Variants in AKAP19 observed in about 807,000 individuals in gnomAD.
The protein encoded by AKAP19 is A-kinase anchoring protein 19.
chr2:190,100,615 A>G, the AKAP19 span, among the ~76,000 whole-genome samples: 1 of 152,242 alleles, frequency 6.6e-6, no homozygotes, highest in African/African-American at 2.4e-5. Flanking sequence ...AAATATTTAC[A>G]AAGTATGTTT....
the AKAP19 span, among the ~76,000 whole-genome samples, chr2:190,189,290 G>C: frequency 6.6e-6 from 1 of 152,184 alleles, no homozygotes; most frequent in African/African-American, 2.4e-5. Context: ...AAAAACATAG[G>C]CTGGATTGGA....
At chr2:189,930,316 G>A in the AKAP19 span, 1 of 648,136 alleles carries the variant, frequency 1.5e-6, no homozygotes. Context: ...CCATGGAGGA[G>A]GGGCACGTGA....
the AKAP19 span, among the ~76,000 whole-genome samples, chr2:190,132,690 AAC>A: frequency 1.3e-5 from 2 of 152,302 alleles, no homozygotes; most frequent in African/African-American, 4.8e-5. Flanking sequence ...ACTAGGAAAA[AAC>A]ACAGGGGGAA....
chr2:189,924,130 C>T, the AKAP19 span: 1 of 1,611,838 alleles, frequency 6.2e-7, no homozygotes, highest in Non-Finnish European at 8.5e-7. Context: ...GGGGGATGAC[C>T]AGCTGGAGTT....
At chr2:190,196,787 T>C in the AKAP19 span, among the ~76,000 whole-genome samples, 4 of 152,184 alleles carry the variant, frequency 2.6e-5, no homozygotes, top group Non-Finnish European at 5.9e-5. Flanking sequence ...AATATTAATA[T>C]ATTATCTGGC....
the AKAP19 span, among the ~76,000 whole-genome samples, chr2:190,116,869 C>T: frequency 6.6e-6 from 1 of 152,194 alleles, no homozygotes; most frequent in Non-Finnish European, 1.5e-5. Flanking sequence ...CAAGACCCAT[C>T]ACCCTACTCT....
At chr2:190,044,599 C>T in the AKAP19 span, among the ~76,000 whole-genome samples, 9 of 152,080 alleles carry the variant, frequency 5.9e-5, no homozygotes, top group Non-Finnish European at 1.2e-4. Context: ...GGCTCGATAG[C>T]TCTGGTGGGG....
chr2:189,963,256 G>A, the AKAP19 span, among the ~76,000 whole-genome samples: 27 of 145,108 alleles, frequency 1.9e-4, no homozygotes, highest in Admixed American at 2.8e-4. Context: ...TGCAGTGGCC[G>A]CGATCTCCAC....
chr2:190,174,016 AC>A, the AKAP19 span, among the ~76,000 whole-genome samples: 1 of 151,866 alleles, frequency 6.6e-6, no homozygotes, highest in Non-Finnish European at 1.5e-5. Flanking sequence ...CTGCTCTGTA[AC>A]CATCCCTCCC....
chr2:189,979,701 A>T, the AKAP19 span, among the ~76,000 whole-genome samples: 640 of 152,326 alleles, frequency 4.2e-3, 9 homozygotes, highest in African/African-American at 0.015. Flanking sequence ...CTTAGAATCT[A>T]TAAGAAACTT....
chr2:190,191,453 A>AT, the AKAP19 span, among the ~76,000 whole-genome samples: 421 of 152,198 alleles, frequency 2.8e-3, 1 homozygote, highest in Admixed American at 5.2e-3. Context: ...CCAGCATACA[A>AT]TTTTTTTATG....
chr2:189,994,070 G>A, the AKAP19 span, among the ~76,000 whole-genome samples: 3 of 150,956 alleles, frequency 2.0e-5, no homozygotes, highest in Non-Finnish European at 4.4e-5. Flanking sequence ...GAGTGCACTG[G>A]CGCGATCTCA....
At chr2:190,038,897 TTTCTTTCTTC>T in the AKAP19 span, among the ~76,000 whole-genome samples, 1,677 of 61,884 alleles carry the variant, frequency 0.027, 15 homozygotes, top group East Asian at 0.042. Context: ...TCTTTCTTTC[TTTCTTTCTTC>T]TTCTTCTTCT....
the AKAP19 span, among the ~76,000 whole-genome samples, chr2:190,042,419 C>G: frequency 6.6e-6 from 1 of 151,564 alleles, no homozygotes; most frequent in Non-Finnish European, 1.5e-5. Flanking sequence ...CTTTATTAGT[C>G]TAGCTAATGG....
At chr2:190,168,589 T>C in the AKAP19 span, among the ~76,000 whole-genome samples, 1 of 152,236 alleles carries the variant, frequency 6.6e-6, no homozygotes, top group Admixed American at 6.5e-5. Flanking sequence ...CTCATAAAAC[T>C]GAATGCCTTT....
the AKAP19 span, among the ~76,000 whole-genome samples, chr2:190,085,447 T>C: frequency 6.6e-6 from 1 of 152,204 alleles, no homozygotes; most frequent in Non-Finnish European, 1.5e-5. Flanking sequence ...ATAGTTTCTC[T>C]CGTCTCTAAT....
the AKAP19 span, among the ~76,000 whole-genome samples, chr2:189,948,784 C>T: frequency 6.6e-6 from 1 of 152,024 alleles, no homozygotes; most frequent in Non-Finnish European, 1.5e-5. Flanking sequence ...TACTTTTTTC[C>T]TGTCATACAA....
chr2:190,068,046 A>G, the AKAP19 span, among the ~76,000 whole-genome samples: 1 of 152,158 alleles, frequency 6.6e-6, no homozygotes, highest in Non-Finnish European at 1.5e-5. Flanking sequence ...TGCTAAAAAT[A>G]CAGAAATTAG....
the AKAP19 span, among the ~76,000 whole-genome samples, chr2:189,910,723 CACTT>C: frequency 7.2e-5 from 11 of 151,972 alleles, no homozygotes; most frequent in Admixed American, 4.6e-4. Flanking sequence ...CAATATAAGT[CACTT>C]ACTTAAATTC....
Sources: gnomAD v4.1 joint callset for allele counts (sites outside exome capture counted in the v4.1 genomes callset) on GRCh38, gnomAD v4.1.1 for gene constraint, MANE v1.5 for transcripts, NCBI Gene and HGNC (gene_info 2026-07-23, HGNC 2026-07-21) for gene names.